Variants in N4BP2 observed in about 807,000 individuals in gnomAD.
The protein encoded by N4BP2 is NEDD4 binding protein 2.
N4BP2 carries 91 observed loss-of-function variants against 152.8 expected under a neutral mutation model. That is an observed-to-expected ratio of 0.60 (90% CI 0.50 to 0.71). N4BP2 has a LOEUF of 0.71. N4BP2 is among the 30% of genes least tolerant of loss of function. The pLI, the probability that N4BP2 is intolerant of heterozygous loss-of-function variation, is 0.00. For missense variants in N4BP2, 1,923 were observed against 2,059.1 expected (o/e 0.93, Z 1.28); for synonymous variants, 646 against 705.3 (o/e 0.92, Z 1.33).
chr4:40,057,941 A>C (rs1365737540), intron 1 of N4BP2, among the ~76,000 whole-genome samples: 1 of 152,052 alleles, frequency 6.6e-6, no homozygotes, highest in Admixed American at 6.6e-5. Context: ...AGTGGTTGTA[A>C]TGTCTCCATG....
chr4:40,121,587 T>G lies in N4BP2; in HGVS notation c.3476T>G (p.Leu1159Trp). Residue 1159 changes from leucine (L) to tryptophan (W), a missense_variant, in exon 9 of 18, where the codon TTG (leucine) becomes TGG (tryptophan). Leu to Trp is a moderately conservative substitution (Grantham distance 61, BLOSUM62 -2). Transcript: ENST00000261435. ...QIGPFSLGLN[L>W]KEIISQRGTL... ...GGGCCTTTTTCTCTGGGGTTGAATTTGAAAGAAATTATTAGCCAAAGAGGA... is the reference window on the plus strand; with the variant it reads ...GGGCCTTTTTCTCTGGGGTTGAATTGGAAAGAAATTATTAGCCAAAGAGGA... 2 of 1,614,102 alleles carry G rather than the reference T, an allele frequency of 1.2e-6. No individual in the cohort carries two copies. Among genetic ancestry groups the G allele is most frequent in the Non-Finnish European group, 8.5e-7 (1 of 1,179,994 alleles).
chr4:40,172,549 A>G, the N4BP2 span, among the ~76,000 whole-genome samples: 1 of 152,194 alleles, frequency 6.6e-6, no homozygotes, highest in African/African-American at 2.4e-5. Context: ...GATGATGTGA[A>G]GAGACACAGG....
chr4:40,145,054 C>T, intron 16 of N4BP2, among the ~76,000 whole-genome samples: 1 of 152,146 alleles, frequency 6.6e-6, no homozygotes, highest in East Asian at 1.9e-4. Context: ...TCTGCGAATC[C>T]TCTCTGTGAC....
chr4:40,112,312 C>G (rs1716964836), intron 6 of N4BP2, 140 bp downstream of exon 6: 1 of 544,088 alleles, frequency 1.8e-6, no homozygotes, highest in Non-Finnish European at 3.3e-6. Context: ...TGGTGTTCAG[C>G]AAAATGAGGA....
At position 40,097,496 on chromosome 4, in the gene N4BP2, C is replaced by T; in HGVS notation, c.156C>T (p.Thr52=). 6.2e-7 allele frequency: 1 copy of T among 1,613,920 alleles called. No homozygotes were observed. Among genetic ancestry groups the T allele is most frequent in the East Asian group, 2.2e-5 (1 of 44,870 alleles). The change falls in exon 3 of 18, where the codon ACC becomes ACT. Residue 52 remains threonine, a synonymous_variant. Transcript: ENST00000261435. ...AAGTTGATCAGGAAGAACTCTTCACCAGTATCTCAGAGATATTTTCTGATC... is the reference window on the plus strand; with the variant it reads ...AAGTTGATCAGGAAGAACTCTTCACTAGTATCTCAGAGATATTTTCTGATC... ...ETKVDQEELF[T]SISEIFSDLD...
chr4:40,106,811 A>G (rs534697231), intron 4 of N4BP2, 89 bp from the exon 5 acceptor site: 6 of 1,278,064 alleles, frequency 4.7e-6, no homozygotes, highest in South Asian at 1.4e-5. Flanking sequence ...TAGTACTTGA[A>G]TAATTTATTT....
the N4BP2 span, among the ~76,000 whole-genome samples, chr4:40,176,042 A>G: frequency 6.7e-6 from 1 of 149,804 alleles, no homozygotes; most frequent in Non-Finnish European, 1.5e-5. Context: ...GTGAGTTGAG[A>G]TCGGGCCACT....
the N4BP2 span, among the ~76,000 whole-genome samples, chr4:40,175,201 A>G: frequency 2.6e-5 from 4 of 151,312 alleles, no homozygotes; most frequent in Admixed American, 2.6e-4. Flanking sequence ...TGTTTTTTTT[A>G]TGGTAAAGAC....
intron 2 of N4BP2, among the ~76,000 whole-genome samples, chr4:40,079,999 A>T (rs1713190585): frequency 1.3e-5 from 2 of 151,942 alleles, no homozygotes; most frequent in African/African-American, 4.8e-5. Context: ...GGGGGGATAT[A>T]TTTGTTTTTA....
chr4:40,069,143 CA>C (rs1294286645), intron 1 of N4BP2, among the ~76,000 whole-genome samples: 2 of 147,896 alleles, frequency 1.4e-5, no homozygotes, highest in Admixed American at 6.8e-5. Context: ...CAAAAAACAA[CA>C]AAAAAATTCC....
downstream of N4BP2, among the ~76,000 whole-genome samples, chr4:40,161,482 G>A (rs749629431): frequency 6.6e-6 from 1 of 152,146 alleles, no homozygotes. Flanking sequence ...CCTTTTTTGG[G>A]TACTGGTTCA....
intron 1 of N4BP2, among the ~76,000 whole-genome samples, chr4:40,061,863 C>T (rs1209486708): frequency 6.6e-6 from 1 of 151,758 alleles, no homozygotes; most frequent in Admixed American, 6.6e-5. Flanking sequence ...TGGGTTTTCG[C>T]CATGTTGGCC....
In N4BP2 at chr4:40,147,935, G is replaced by T. The variant is rs1436179747; in HGVS notation, c.5143+3135G>T. Among the ~76,000 whole-genome samples, 6 of 151,920 alleles carry T rather than the reference G, an allele frequency of 3.9e-5. No homozygotes were observed. In the East Asian group the frequency reaches 1.2e-3, roughly 30 times the overall value. The stretch of plus-strand genomic sequence containing the variant: ...CTCCCCACATTTCAGACGATGGGCG[G>T]CCGGGCAGAGACGCTCCTCACTTCC... On this transcript the variant is annotated intron_variant, in intron 16 of 17. Coordinates refer to ENST00000261435, the MANE Select transcript of N4BP2 (RefSeq NM_018177.6).
At chr4:40,187,654 T>G in the N4BP2 span, among the ~76,000 whole-genome samples, 1 of 152,306 alleles carries the variant, frequency 6.6e-6, no homozygotes, top group Admixed American at 6.5e-5. Flanking sequence ...AGAGCTAACC[T>G]GTTCAGATTA....
intron 6 of N4BP2, among the ~76,000 whole-genome samples, chr4:40,112,597 G>A (rs1315935522): frequency 6.6e-6 from 1 of 151,888 alleles, no homozygotes; most frequent in Non-Finnish European, 1.5e-5. Context: ...TGTAAACTCA[G>A]CTATTTTCTC....
At chr4:40,074,660 A>G (rs1480652509) in intron 2 of N4BP2, among the ~76,000 whole-genome samples, 2 of 152,136 alleles carry the variant, frequency 1.3e-5, no homozygotes, top group Non-Finnish European at 2.9e-5. Flanking sequence ...AAAGAACTGA[A>G]TTGTGGTGTT....
At chr4:40,133,108 G>T in intron 13 of N4BP2, among the ~76,000 whole-genome samples, 1 of 151,642 alleles carries the variant, frequency 6.6e-6, no homozygotes. Flanking sequence ...TTGGTTTATT[G>T]GTCAAAGTCT....
chr4:40,102,607 C>T lies in N4BP2; in HGVS notation c.762C>T (p.Asp254=). Reference sequence around the variant, plus strand: ...GTAGTTCTTTAAATGTAGCAAGTGACTCCATCGCAGGTTGTAGCAGTCTCA... The same window carrying T: ...GTAGTTCTTTAAATGTAGCAAGTGATTCCATCGCAGGTTGTAGCAGTCTCA... ...LLSSSLNVAS[D]SIAGCSSLNQ... Residue 254 remains aspartate, a synonymous_variant, in exon 4 of 18, where the codon GAC becomes GAT. Transcript: ENST00000261435. 1.2e-6 allele frequency: 2 copies of T among 1,614,184 alleles called. No homozygotes were observed.
intron 1 of N4BP2, among the ~76,000 whole-genome samples, chr4:40,061,356 T>TTTTA (rs3070964): frequency 0.15 from 22,811 of 150,082 alleles, 1,893 homozygotes; most frequent in Middle Eastern, 0.22. Flanking sequence ...TTTTATTTCA[T>TTTTA]TTTATTTATT....
Sources: gnomAD v4.1 joint callset for allele counts (sites outside exome capture counted in the v4.1 genomes callset) on GRCh38, gnomAD v4.1.1 for gene constraint, MANE v1.5 for transcripts, NCBI Gene and HGNC (gene_info 2026-07-23, HGNC 2026-07-21) for gene names.